ELFN1: variants seen among roughly 807,000 people sequenced by gnomAD.
ELFN1 encodes the protein protein ELFN1.
A neutral mutation model predicts 7.6 loss-of-function variants in ELFN1; 6 were observed. The observed-to-expected ratio is 0.79, with a 90% confidence interval of 0.43 to 1.56. The LOEUF is 1.56. ELFN1 is among the 40% of genes most tolerant of loss of function. ELFN1 has a pLI of 0.01. For synonymous variants in ELFN1, 657 were observed against 588.1 expected (o/e 1.12, Z -1.70); for missense variants, 1,169 against 1,232.2 (o/e 0.95, Z 0.77).
intron 3 of ELFN1, among the ~76,000 whole-genome samples, chr7:1,712,720 C>G (rs548473029): frequency 3.3e-4 from 51 of 152,320 alleles, no homozygotes; most frequent in African/African-American, 1.2e-3. Flanking sequence ...GTGTGAGCCA[C>G]CACACCCAGG....
chr7:1,741,087 AC>A (rs1780596905), intron 3 of ELFN1, among the ~76,000 whole-genome samples: 1 of 144,078 alleles, frequency 6.9e-6, no homozygotes, highest in African/African-American at 2.5e-5. Flanking sequence ...CTGAGATTGC[AC>A]CACTGCACTC....
In ELFN1 at chr7:1,673,186, C is replaced by T. The variant is rs910398192; in HGVS notation, c.-549+2832C>T. Among the ~76,000 whole-genome samples the T allele has an allele frequency of 1.3e-5, 2 of 151,194 alleles. No individual in the cohort carries two copies. Among genetic ancestry groups the T allele is most frequent in the African/African-American group, 4.8e-5 (2 of 41,240 alleles). On this transcript the variant is annotated intron_variant, in intron 1 of 3. Coordinates refer to ENST00000424383, the MANE Select transcript of ELFN1 (RefSeq NM_001128636.4). The surrounding 1 kb of genome is among the most constrained non-coding windows in gnomAD (Gnocchi z 4.7). ...CTTGGGTGGGTGTTTGTGGGGGTGG[C>T]TGGTGGTGGAGCCACTGCAGTGGAC...
chr7:1,666,699 A>G (rs1778676452), upstream of ELFN1, among the ~76,000 whole-genome samples: 1 of 150,306 alleles, frequency 6.7e-6, no homozygotes, highest in Non-Finnish European at 1.5e-5. This position sits in a 1 kb window ranked among gnomAD's most constrained non-coding sequence, Gnocchi z 7.9. Context: ...CCCAAGTTGA[A>G]CCACAGACGA....
At chr7:1,685,467 A>G (rs930579085) in intron 1 of ELFN1, among the ~76,000 whole-genome samples, 5 of 152,044 alleles carry the variant, frequency 3.3e-5, no homozygotes, top group Non-Finnish European at 5.9e-5. Context: ...TTGATGTCTC[A>G]TGTATGTCAG....
At chr7:1,697,437 G>C (rs1362853841) in intron 2 of ELFN1, among the ~76,000 whole-genome samples, 1 of 152,168 alleles carries the variant, frequency 6.6e-6, no homozygotes, top group African/African-American at 2.4e-5. Flanking sequence ...CTGCTCTGTG[G>C]GTAGGACTGA....
At chr7:1,741,046 C>G (rs1170542316) in intron 3 of ELFN1, among the ~76,000 whole-genome samples, 1 of 149,012 alleles carries the variant, frequency 6.7e-6, no homozygotes, top group African/African-American at 2.5e-5. Context: ...AGGAGAATCA[C>G]TTGAACCCAG....
At chr7:1,702,217 G>A (rs1779441775) in intron 2 of ELFN1, among the ~76,000 whole-genome samples, 2 of 152,312 alleles carry the variant, frequency 1.3e-5, no homozygotes, top group South Asian at 4.1e-4. Flanking sequence ...AAGGTCAGGA[G>A]ATTGAGACCA....
rs73040520 is a variant in ELFN1, at chr7:1,673,962, C to G, written c.-549+3608C>G. Among the ~76,000 whole-genome samples the G allele has an allele frequency of 1.0e-3, 152 of 152,268 alleles. No homozygotes were observed. The highest frequency in any genetic ancestry group is 3.4e-3 in the Middle Eastern group (1 of 294). On this transcript the variant is annotated intron_variant, in intron 1 of 3. Coordinates refer to ENST00000424383, the MANE Select transcript of ELFN1 (RefSeq NM_001128636.4). The surrounding 1 kb of genome is among the most constrained non-coding windows in gnomAD (Gnocchi z 4.7). ...AGGGGGTCCAGCAGGGCTTGAGGGA[C>G]CTTCAGAGGGGAGGCAGAGAGGACG...
chr7:1,728,901 G>C (rs1780264840), intron 3 of ELFN1, among the ~76,000 whole-genome samples: 1 of 152,140 alleles, frequency 6.6e-6, no homozygotes, highest in African/African-American at 2.4e-5. Flanking sequence ...TGATGGTCCT[G>C]TTCATCATCT....
chr7:1,722,011 T>C (rs1424365091), intron 3 of ELFN1, among the ~76,000 whole-genome samples: 2 of 152,038 alleles, frequency 1.3e-5, no homozygotes, highest in Non-Finnish European at 2.9e-5. Context: ...AGGTGCGAAG[T>C]GGACGGTCTT....
At chr7:1,732,704 G>A (rs945205496) in intron 3 of ELFN1, among the ~76,000 whole-genome samples, 1 of 152,130 alleles carries the variant, frequency 6.6e-6, no homozygotes, top group African/African-American at 2.4e-5. Flanking sequence ...AGCAGGGGAA[G>A]GCCATGTCGG....
chr7:1,738,292 G>A (rs1304355489), intron 3 of ELFN1, among the ~76,000 whole-genome samples: 3 of 152,186 alleles, frequency 2.0e-5, no homozygotes, highest in Non-Finnish European at 2.9e-5. Flanking sequence ...AAGCTGGTAC[G>A]GATGTGCACA....
chr7:1,724,442 G>T (rs1232902107), intron 3 of ELFN1, among the ~76,000 whole-genome samples: 2 of 152,134 alleles, frequency 1.3e-5, no homozygotes, highest in African/African-American at 4.8e-5. Context: ...CTGGCTACGT[G>T]GGTGTGAGTT....
rs1049918572 is a variant in ELFN1 at position 1,699,022 on chromosome 7, T to C, written c.-455-10069T>C. Among the ~76,000 whole-genome samples the C allele has an allele frequency of 5.3e-5, 8 of 152,352 alleles. 1 individual carries two copies. Among genetic ancestry groups the C allele is most frequent in the Non-Finnish European group, 4.4e-5 (3 of 68,030 alleles). Reference sequence around the variant, plus strand: ...GAATTTTGCCTGTGTTTTCATGTTGTATAAGTGGAAGCATCCATTATATAC... The same window carrying C: ...GAATTTTGCCTGTGTTTTCATGTTGCATAAGTGGAAGCATCCATTATATAC... On this transcript the variant is annotated intron_variant, in intron 2 of 3. Coordinates refer to ENST00000424383, the MANE Select transcript of ELFN1 (RefSeq NM_001128636.4).
chr7:1,746,639 C>A lies in ELFN1; in HGVS notation c.2043C>A (p.Leu681=). The A allele has an allele frequency of 7.4e-7, 1 of 1,356,292 alleles. No individual in the cohort carries two copies. The highest frequency in any genetic ancestry group is 9.4e-7 in the Non-Finnish European group (1 of 1,059,872). The allele number at this position is 1,356,292 out of a possible 1,614,324, so 84.0% of individuals were successfully genotyped here. ...EKGSPAADAI[L]TVTPAAAVLR... is the part of the protein sequence containing the mutation. ...GCTCCCCCGCGGCCGACGCCATCCT[C>A]ACTGTGACACCCGCGGCCGCCGTGC... The change falls in exon 4 of 4, where the codon CTC becomes CTA. Residue 681 remains leucine (L), a synonymous_variant. Coordinates refer to ENST00000424383, the MANE Select transcript of ELFN1 (RefSeq NM_001128636.4).
chr7:1,696,361 C>T (rs887573745), intron 2 of ELFN1, among the ~76,000 whole-genome samples: 1 of 150,084 alleles, frequency 6.7e-6, no homozygotes, highest in Non-Finnish European at 1.5e-5. Flanking sequence ...AGAGAGAGGG[C>T]ATGCAGATGC....
chr7:1,730,096 C>T (rs1455152706), intron 3 of ELFN1, among the ~76,000 whole-genome samples: 1 of 152,272 alleles, frequency 6.6e-6, no homozygotes, highest in Non-Finnish European at 1.5e-5. Flanking sequence ...CATGAGCTCT[C>T]CCAGAGGAGG....
intron 1 of ELFN1, among the ~76,000 whole-genome samples, chr7:1,686,533 C>T (rs1161202457): frequency 2.0e-5 from 3 of 151,936 alleles, no homozygotes; most frequent in Admixed American, 2.0e-4. Context: ...TAGATTACCT[C>T]TGTGTTTGCA....
chr7:1,680,696 C>G (rs1326326400), intron 1 of ELFN1, among the ~76,000 whole-genome samples: 1 of 151,808 alleles, frequency 6.6e-6, no homozygotes, highest in Non-Finnish European at 1.5e-5. Flanking sequence ...CCCTACCCCA[C>G]CCCCAGGCAC....
Sources: allele counts gnomAD v4.1 joint callset (sites outside exome capture counted in the v4.1 genomes callset), GRCh38; gene constraint gnomAD v4.1.1; non-coding constraint Gnocchi (gnomAD v3.1); transcripts MANE v1.5; gene names NCBI Gene and HGNC (gene_info 2026-07-23, HGNC 2026-07-21).